The following CSMD1 variants were observed in gnomAD, a reference collection of about 807,000 sequenced individuals.
The protein encoded by CSMD1 is CUB and Sushi multiple domains 1.
In CSMD1, 213 loss-of-function variants were observed where a neutral mutation model predicts 417.5. That is an observed-to-expected ratio of 0.51 (90% CI 0.46 to 0.57). The LOEUF is 0.57. CSMD1 is among the 20% of genes least tolerant of loss of function. The pLI, the probability that CSMD1 is intolerant of heterozygous loss-of-function variation, is 0.00. For missense variants in CSMD1, 6,923 were observed against 4,529.7 expected, an observed-to-expected ratio of 1.53 and a Z score of -15.17; for synonymous variants, 2,862 against 1,736.8, an observed-to-expected ratio of 1.65 and a Z score of -16.11.
At chr8:3,021,392 C>A (rs139493750) in intron 51 of CSMD1, among the ~76,000 whole-genome samples, 1 of 152,206 alleles carries the variant, frequency 6.6e-6, no homozygotes, top group Non-Finnish European at 1.5e-5. Flanking sequence ...ACTCGGAAAT[C>A]TTGCCTGACT....
At chr8:3,725,522 G>C (rs1163229122) in intron 6 of CSMD1, among the ~76,000 whole-genome samples, 1 of 152,178 alleles carries the variant, frequency 6.6e-6, no homozygotes, top group Non-Finnish European at 1.5e-5. Flanking sequence ...GTGTGTATGT[G>C]TATGTGGGTT....
chr8:3,320,827 G>T (rs4875611), intron 23 of CSMD1, among the ~76,000 whole-genome samples: 59,262 of 152,052 alleles, frequency 0.39, 12,040 homozygotes, highest in East Asian at 0.64. Context: ...GAGCGAGGGC[G>T]CAGGGTCATC....
chr8:3,464,553 T>C (rs1407623372), intron 12 of CSMD1, among the ~76,000 whole-genome samples: 1 of 147,888 alleles, frequency 6.8e-6, no homozygotes, highest in East Asian at 1.9e-4. Context: ...TTATATGGAT[T>C]CTATCTATTA....
chr8:4,267,225 TAAAGA>T (rs1311479997), intron 3 of CSMD1, among the ~76,000 whole-genome samples: 3 of 104,140 alleles, frequency 2.9e-5, no homozygotes, highest in Non-Finnish European at 5.2e-5. Context: ...CAACAGTTAT[TAAAGA>T]AAAGTGAGTT....
intron 18 of CSMD1, among the ~76,000 whole-genome samples, chr8:3,375,775 A>C (rs571475708): frequency 6.6e-6 from 1 of 152,090 alleles, no homozygotes; most frequent in African/African-American, 2.4e-5. Flanking sequence ...CTGCAGCATG[A>C]ATCTCTGCCT....
At chr8:4,957,084 G>C (rs1040356002) in intron 1 of CSMD1, among the ~76,000 whole-genome samples, 1 of 152,216 alleles carries the variant, frequency 6.6e-6, no homozygotes, top group Non-Finnish European at 1.5e-5. Flanking sequence ...AGATATGCTA[G>C]AAGTATGAAT....
chr8:3,278,892 C>T (rs1459420786), intron 26 of CSMD1: 1 of 152,114 alleles, frequency 6.6e-6, no homozygotes, highest in Non-Finnish European at 1.5e-5. Context: ...ACATAACAGC[C>T]CAGTTTCTTC....
At chr8:3,982,020 A>T in intron 5 of CSMD1, among the ~76,000 whole-genome samples, 1 of 151,822 alleles carries the variant, frequency 6.6e-6, no homozygotes, top group Non-Finnish European at 1.5e-5. Context: ...AAATACAAAA[A>T]ATTAGCCTGG....
chr8:3,205,329 G>A (rs1797192613), intron 31 of CSMD1, among the ~76,000 whole-genome samples, 175 bp downstream of exon 31: 1 of 152,156 alleles, frequency 6.6e-6, no homozygotes, highest in Non-Finnish European at 1.5e-5. Context: ...TTGGTAAAAG[G>A]ACTGTAATGG....
intron 3 of CSMD1, among the ~76,000 whole-genome samples, chr8:4,244,687 C>A (rs149400395): frequency 6.6e-6 from 1 of 152,068 alleles, no homozygotes; most frequent in African/African-American, 2.4e-5. Flanking sequence ...GTTATTTTCA[C>A]ACATCATTCC....
intron 1 of CSMD1, among the ~76,000 whole-genome samples, chr8:4,864,699 C>A (rs1802322603): frequency 6.6e-6 from 1 of 151,712 alleles, no homozygotes; most frequent in Non-Finnish European, 1.5e-5. Flanking sequence ...AAGGTCTCTG[C>A]AGAAACTACC....
chr8:3,964,540 A>G (rs535277057), intron 5 of CSMD1, among the ~76,000 whole-genome samples: 2 of 152,304 alleles, frequency 1.3e-5, no homozygotes, highest in South Asian at 4.1e-4. Context: ...AATGAGCACC[A>G]CCAGGAAATA....
At chr8:3,978,583 T>G (rs1813619361) in intron 5 of CSMD1, among the ~76,000 whole-genome samples, 1 of 152,118 alleles carries the variant, frequency 6.6e-6, no homozygotes, top group African/African-American at 2.4e-5. Flanking sequence ...GTCTAATGAA[T>G]AGATTGAGGC....
intron 3 of CSMD1, among the ~76,000 whole-genome samples, chr8:4,175,057 G>T (rs980781573): frequency 1.3e-5 from 2 of 151,090 alleles, no homozygotes; most frequent in Non-Finnish European, 2.9e-5. Context: ...GTGAACCCTG[G>T]GCATCTTTCA....
chr8:3,844,466 T>C (rs1211340759), intron 5 of CSMD1, among the ~76,000 whole-genome samples: 1 of 152,218 alleles, frequency 6.6e-6, no homozygotes, highest in Non-Finnish European at 1.5e-5. Context: ...AGTTGATGTA[T>C]GGATTCAGAG....
intron 6 of CSMD1, among the ~76,000 whole-genome samples, chr8:3,709,068 G>T (rs569794901): frequency 1.3e-5 from 2 of 152,030 alleles, no homozygotes; most frequent in South Asian, 2.1e-4. Context: ...AGGCACAGAG[G>T]TCCTGGCTTC....
At chr8:4,058,256 T>C (rs1368083818) in intron 3 of CSMD1, among the ~76,000 whole-genome samples, 1 of 152,088 alleles carries the variant, frequency 6.6e-6, no homozygotes, top group African/African-American at 2.4e-5. Flanking sequence ...TCACATCCCT[T>C]GTAAGTTGGA....
intron 1 of CSMD1, among the ~76,000 whole-genome samples, chr8:4,704,980 T>C (rs2061898503): frequency 1.3e-5 from 2 of 152,220 alleles, no homozygotes; most frequent in African/African-American, 2.4e-5. Context: ...CCAATTGTAA[T>C]CCCTACACGT....
intron 6 of CSMD1, among the ~76,000 whole-genome samples, chr8:3,735,205 C>T (rs1796469906): frequency 6.6e-6 from 1 of 152,164 alleles, no homozygotes; most frequent in African/African-American, 2.4e-5. Context: ...GGCAAGTTGC[C>T]CCTGGCTCCT....
Sources: allele counts gnomAD v4.1 joint callset (sites outside exome capture counted in the v4.1 genomes callset), GRCh38; gene constraint gnomAD v4.1.1; transcripts MANE v1.5; gene names NCBI Gene and HGNC (gene_info 2026-07-23, HGNC 2026-07-21).